The following ABCB1 variants were observed in gnomAD, a reference collection of about 807,000 sequenced individuals.
ABCB1 encodes the protein ATP binding cassette subfamily B member 1.
A neutral mutation model predicts 142.0 loss-of-function variants in ABCB1; 69 were observed. The observed-to-expected ratio is 0.49, with a 90% CI of 0.40 to 0.59. ABCB1 has a LOEUF of 0.59. ABCB1 is among the 20% of genes least tolerant of loss of function. The probability of loss-of-function intolerance (pLI) is 0.00; values close to 1 mark genes in which losing one functional copy is unlikely to be tolerated. For missense variants in ABCB1, 1,326 were observed against 1,554.7 expected, an observed-to-expected ratio of 0.85 and a Z score of 2.47; for synonymous variants, 532 against 539.2, an observed-to-expected ratio of 0.99 and a Z score of 0.18.
intron 25 of ABCB1, among the ~76,000 whole-genome samples, chr7:87,513,794 A>G (rs1200535566): frequency 2.6e-5 from 4 of 152,224 alleles, no homozygotes; most frequent in Non-Finnish European, 5.9e-5. Flanking sequence ...CAGTTAAAGT[A>G]TTTGAGGGCA....
intron 1 of ABCB1, among the ~76,000 whole-genome samples, chr7:87,671,616 G>A (rs1352984182): frequency 1.3e-5 from 2 of 152,086 alleles, no homozygotes; most frequent in Admixed American, 6.5e-5. Flanking sequence ...TCCCTGGGAG[G>A]TACAGGCCTG....
intron 1 of ABCB1, among the ~76,000 whole-genome samples, chr7:87,698,491 G>T (rs559846558): frequency 6.6e-6 from 1 of 152,162 alleles, no homozygotes; most frequent in Non-Finnish European, 1.5e-5. Flanking sequence ...AAATATATTT[G>T]TGCAAAATAT....
chr7:87,541,384 A>C lies in ABCB1; in HGVS notation c.2292T>G (p.Ile764Met). 6.3e-7 allele frequency: 1 copy of C among 1,597,610 alleles called. No individual in the cohort carries two copies. ...GAAGGAAAAATGTAATAAAAGAAAT[A>C]ATTCCAAGGGCTAGAAACAATAGTG... The part of the protein sequence containing the change: ...LFSLLFLALG[I>M]ISFITFFLQG... Residue 764 changes from isoleucine (I) to methionine (M), a missense_variant, in exon 18 of 28, where the codon ATT (isoleucine) becomes ATG (methionine). Ile to Met is a conservative substitution (Grantham distance 10). Transcript: ENST00000622132.
intron 21 of ABCB1, among the ~76,000 whole-genome samples, chr7:87,523,758 T>C (rs1393683714): frequency 1.3e-5 from 2 of 152,234 alleles, no homozygotes; most frequent in Middle Eastern, 3.4e-3. Flanking sequence ...AGAACACCAG[T>C]GTACAAGATG....
intron 5 of ABCB1, 149 bp downstream of exon 5, chr7:87,570,023 T>C: frequency 1.4e-6 from 1 of 714,636 alleles, no homozygotes; most frequent in Non-Finnish European, 2.3e-6. Context: ...CCAATTCTTT[T>C]CTTAAAAAGT....
intron 27 of ABCB1, 134 bp from the exon 28 acceptor site, chr7:87,504,583 C>A: frequency 8.4e-7 from 1 of 1,183,654 alleles, no homozygotes; most frequent in East Asian, 2.6e-5. Context: ...CCAAGGCGGG[C>A]AGATCACAAG....
At chr7:87,550,123 A>T (rs1380027642) in intron 12 of ABCB1, 48 bp downstream of exon 12, 2 of 1,614,142 alleles carry the variant, frequency 1.2e-6, no homozygotes, top group East Asian at 4.5e-5. Flanking sequence ...AAGATGTGCA[A>T]TGTGACTGCT....
At chr7:87,551,380 G>A (rs1272124222) in intron 9 of ABCB1, among the ~76,000 whole-genome samples, 1 of 152,194 alleles carries the variant, frequency 6.6e-6, no homozygotes, top group Non-Finnish European at 1.5e-5. Context: ...ATGTTAATTA[G>A]CTTGCTCTGA....
At chr7:87,560,989 GA>G (rs1408403768) in intron 8 of ABCB1, among the ~76,000 whole-genome samples, 2 of 151,892 alleles carry the variant, frequency 1.3e-5, no homozygotes, top group Non-Finnish European at 2.9e-5. Flanking sequence ...CTTGATAGAG[GA>G]AAAAAATCAG....
chr7:87,697,969 A>G (rs1828643978), intron 1 of ABCB1, among the ~76,000 whole-genome samples: 1 of 152,220 alleles, frequency 6.6e-6, no homozygotes, highest in Non-Finnish European at 1.5e-5. Flanking sequence ...GACAAACTAT[A>G]TTGAGGCATT....
At chr7:87,556,080 T>C (rs1375883772) in intron 8 of ABCB1, among the ~76,000 whole-genome samples, 2 of 152,180 alleles carry the variant, frequency 1.3e-5, no homozygotes, top group African/African-American at 4.8e-5. Flanking sequence ...ACAAATGCCA[T>C]ACATAAAACT....
At chr7:87,707,838 C>T (rs912162122) in intron 1 of ABCB1, among the ~76,000 whole-genome samples, 20 of 151,864 alleles carry the variant, frequency 1.3e-4, no homozygotes, top group Admixed American at 9.8e-4. Context: ...TGTTCTCTAA[C>T]CACAGTGGAA....
At chr7:87,703,465 T>C (rs940187197) in intron 1 of ABCB1, among the ~76,000 whole-genome samples, 1 of 152,206 alleles carries the variant, frequency 6.6e-6, no homozygotes, top group Non-Finnish European at 1.5e-5. Context: ...ATGATTTTTG[T>C]CACCTTTTTG....
chr7:87,554,294 C>A (rs1004139937), intron 8 of ABCB1, among the ~76,000 whole-genome samples: 2 of 151,418 alleles, frequency 1.3e-5, no homozygotes, highest in African/African-American at 2.4e-5. Flanking sequence ...AATCTGCATG[C>A]CTCTTTAATT....
chr7:87,640,064 T>G (rs779941044), intron 1 of ABCB1, among the ~76,000 whole-genome samples: 2 of 150,786 alleles, frequency 1.3e-5, no homozygotes, highest in Admixed American at 1.3e-4. Context: ...TTTATATATA[T>G]TTCTATTCTT....
intron 1 of ABCB1, among the ~76,000 whole-genome samples, chr7:87,664,551 G>A (rs1385400253): frequency 5.3e-5 from 8 of 152,020 alleles, no homozygotes. Context: ...TGGAAATTCT[G>A]AGTAGAGAAA....
At chr7:87,613,263 T>TC (rs1819922717) in intron 1 of ABCB1, among the ~76,000 whole-genome samples, 1 of 142,576 alleles carries the variant, frequency 7.0e-6, no homozygotes, top group Non-Finnish European at 1.5e-5. Context: ...ATTTCTTTTT[T>TC]TTTTTTTTTT....
chr7:87,527,145 T>A (rs569131830), intron 21 of ABCB1, among the ~76,000 whole-genome samples: 1 of 152,300 alleles, frequency 6.6e-6, no homozygotes, highest in African/African-American at 2.4e-5. Context: ...GACATTTTTT[T>A]AAAGCCAAAT....
chr7:87,647,891 T>G (rs1449680757), intron 1 of ABCB1, among the ~76,000 whole-genome samples: 1 of 151,616 alleles, frequency 6.6e-6, no homozygotes, highest in African/African-American at 2.4e-5. Context: ...AGAAAAGAAA[T>G]GGAAAATGAT....
Sources: gnomAD v4.1 joint callset for allele counts (sites outside exome capture counted in the v4.1 genomes callset) on GRCh38, gnomAD v4.1.1 for gene constraint, MANE v1.5 for transcripts, NCBI Gene and HGNC (gene_info 2026-07-23, HGNC 2026-07-21) for gene names.